IFT140: variants seen among roughly 807,000 people sequenced by gnomAD.
The protein encoded by IFT140 is intraflagellar transport 140, also known as intraflagellar transport protein 140 homolog.
Under a neutral mutation model 164.6 loss-of-function variants are expected in IFT140, and 133 were observed. The ratio of observed to expected loss-of-function variants is 0.81; its 90% confidence interval spans 0.70 to 0.93. The LOEUF (loss-of-function observed/expected upper bound fraction) is 0.93, where lower values mean the gene tolerates loss of function less well. IFT140 is among the 40% of genes least tolerant of loss of function. The probability of loss-of-function intolerance (pLI) is 0.00; values close to 1 mark genes in which losing one functional copy is unlikely to be tolerated. For synonymous variants in IFT140, 860 were observed against 817.3 expected (o/e 1.05, Z -0.89); for missense variants, 2,045 against 1,972.3 (o/e 1.04, Z -0.70).
chr16:1,586,281 G>A lies in IFT140; in HGVS notation c.1010-6C>T. On this transcript the variant is annotated splice_region_variant and splice_polypyrimidine_tract_variant and intron_variant, in intron 9 of 30. Transcript: ENST00000426508. ...GGTACCAGCGGCCAGAAGACCTACA[G>A]GTAGAAACAAACTGCATGTGAACAG... 6.2e-7 allele frequency: 1 copy of A among 1,609,806 alleles called. No homozygotes were observed. The highest frequency in any genetic ancestry group is 8.5e-7 in the Non-Finnish European group (1 of 1,178,086).
chr16:1,548,690 T>C (rs967714914), intron 19 of IFT140, among the ~76,000 whole-genome samples: 2 of 152,196 alleles, frequency 1.3e-5, no homozygotes, highest in African/African-American at 2.4e-5. Context: ...GCCCCAGCCC[T>C]GTCTCCTTCC....
rs1295418253 is a variant in IFT140, at chr16:1,526,600, C to T, written c.2577+19G>A. On this transcript the variant is annotated intron_variant, in intron 20 of 30. Transcript: ENST00000426508. ...AGGCGTGGTGCCTTCCCACCCACCCCATGGCGGGCGCCCCTCACCAGCATG... is the reference window on the plus strand; with the variant it reads ...AGGCGTGGTGCCTTCCCACCCACCCTATGGCGGGCGCCCCTCACCAGCATG... 2 of 1,512,328 alleles carry T rather than the reference C, an allele frequency of 1.3e-6. No homozygotes were observed. Among genetic ancestry groups the T allele is most frequent in the Non-Finnish European group, 1.8e-6 (2 of 1,139,896 alleles). 93.7% of individuals were successfully genotyped at this position (1,512,328 alleles called of 1,614,324 possible).
intron 19 of IFT140, among the ~76,000 whole-genome samples, chr16:1,539,219 G>A (rs936697885): frequency 6.1e-5 from 9 of 147,098 alleles, no homozygotes; most frequent in Admixed American, 1.3e-4. Flanking sequence ...TGCCAACGCC[G>A]ACCCAAGCCT....
chr16:1,602,641 T>G (rs776990669), intron 3 of IFT140, 50 bp from the exon 4 acceptor site: 6 of 1,550,208 alleles, frequency 3.9e-6, no homozygotes, highest in Non-Finnish European at 5.3e-6. Flanking sequence ...GGACAGCTAC[T>G]TTTAAGAACT....
chr16:1,563,524 C>T (rs930302406), intron 17 of IFT140, among the ~76,000 whole-genome samples: 2 of 151,934 alleles, frequency 1.3e-5, no homozygotes, highest in African/African-American at 4.8e-5. Context: ...GACAAGAGAA[C>T]CAAAAAAATG....
rs886643933 is a variant in IFT140, at chr16:1,553,225, CATCTGTCTCT to C, written c.2399+4700_2399+4709del. 3 of 976,742 alleles carry C rather than the reference CATCTGTCTCT, an allele frequency of 3.1e-6. No homozygotes were observed. The African/African-American group carries it at 5.3e-5, about 17-fold the overall frequency. The allele number at this position is 976,742 out of a possible 1,614,324, so 60.5% of individuals were successfully genotyped here. A position where few individuals can be genotyped will look rare whatever the true frequency, so the allele number is the denominator to read the frequency against. On this transcript the variant is annotated intron_variant, in intron 19 of 30. Coordinates refer to ENST00000426508, the MANE Select transcript of IFT140 (RefSeq NM_014714.4). This position sits in a 1 kb window ranked among gnomAD's most constrained non-coding sequence, Gnocchi z 4.4. The stretch of plus-strand genomic sequence containing the variant: ...CTCTGTCTCTGTCTCTCTCTGTCTC[CATCTGTCTCT>C]GTGTCTGTCTCTGTCTCTCTGTATC...
intron 12 of IFT140, among the ~76,000 whole-genome samples, chr16:1,582,974 T>G (rs2034655669): frequency 6.6e-6 from 1 of 152,216 alleles, no homozygotes; most frequent in Non-Finnish European, 1.5e-5. Context: ...GGAGCCACCT[T>G]GAAGTTTCAG....
chr16:1,527,270 G>A (rs1050130737), intron 19 of IFT140, among the ~76,000 whole-genome samples: 3 of 152,194 alleles, frequency 2.0e-5, no homozygotes, highest in Non-Finnish European at 4.4e-5. Context: ...CCTGGGGGAC[G>A]GGGTACAGGG....
intron 19 of IFT140, among the ~76,000 whole-genome samples, chr16:1,549,209 CA>C (rs2032433469): frequency 1.3e-5 from 2 of 152,226 alleles, no homozygotes; most frequent in Non-Finnish European, 2.9e-5. Flanking sequence ...CAAACAGAAC[CA>C]AAGACAAACA....
Position 1,518,211 on chromosome 16 carries a change from C to A in IFT140, c.4182+5G>T. The stretch of plus-strand genomic sequence containing the variant: ...TGCTGCTAGTGAGCAGCACTCAGGC[C>A]TCACCGTCTGGTATTCCTCCTTCCG... On this transcript the variant is annotated splice_donor_5th_base_variant and intron_variant, in intron 30 of 30. Coordinates refer to ENST00000426508, the MANE Select transcript of IFT140 (RefSeq NM_014714.4). 6.2e-7 allele frequency: 1 copy of A among 1,609,512 alleles called. No individual in the cohort carries two copies. The highest frequency in any genetic ancestry group is 1.1e-5 in the South Asian group (1 of 90,322).
At position 1,553,950 on chromosome 16, in the gene IFT140, A is replaced by C. The variant is rs2032883176; in HGVS notation, c.2399+3985T>G. Reference sequence around the variant, plus strand: ...CTCCTCAAAGATAAAACTGTAAGTGAAACTGTAGCATCAGCGACTAACTAG... The same window carrying C: ...CTCCTCAAAGATAAAACTGTAAGTGCAACTGTAGCATCAGCGACTAACTAG... On this transcript the variant is annotated intron_variant, in intron 19 of 30. Transcript: ENST00000426508. This position sits in a 1 kb window ranked among gnomAD's most constrained non-coding sequence, Gnocchi z 4.4. 2.3e-6 allele frequency: 3 copies of C among 1,286,868 alleles called. No homozygotes were observed. The highest frequency in any genetic ancestry group is 1.2e-5 in the South Asian group (1 of 80,936). 79.7% of individuals were successfully genotyped at this position (1,286,868 alleles called of 1,614,324 possible). A position where few individuals can be genotyped will look rare whatever the true frequency, so the allele number is the denominator to read the frequency against.
intron 1 of IFT140, among the ~76,000 whole-genome samples, chr16:1,611,490 C>CAAAAAAAAAAA (rs150781872): frequency 1.2e-5 from 1 of 86,806 alleles, no homozygotes. Flanking sequence ...CAGAGCGAGT[C>CAAAAAAAAAAA]AAAAAAAAAA....
rs148891948 is a variant in IFT140 at position 1,604,780 on chromosome 16, G to A, written c.148-2189C>T. Among the ~76,000 whole-genome samples, 11 of 152,200 alleles carry A rather than the reference G, an allele frequency of 7.2e-5. No individual in the cohort carries two copies. The East Asian group carries it at 2.1e-3, about 29-fold the overall frequency. ...CAGCAGACTCGCCAGAGGTTCCGGG[G>A]GAGAAACTGGGAGGATCTAGTGATG... On this transcript the variant is annotated intron_variant, in intron 3 of 30. Coordinates refer to ENST00000426508, the MANE Select transcript of IFT140 (RefSeq NM_014714.4).
chr16:1,544,022 T>A (rs1380549781), intron 19 of IFT140, among the ~76,000 whole-genome samples: 1 of 150,502 alleles, frequency 6.6e-6, no homozygotes, highest in Non-Finnish European at 1.5e-5. Flanking sequence ...TACATTTCTT[T>A]TTTTTTTTTT....
intron 19 of IFT140, chr16:1,542,184 T>C: frequency 1.6e-6 from 2 of 1,265,166 alleles, no homozygotes; most frequent in South Asian, 1.6e-5. Flanking sequence ...CTGCAGGCCA[T>C]ACCTCTCAAC....
At chr16:1,561,915 C>T (rs888497843) in intron 18 of IFT140, 70 bp downstream of exon 18, 62 of 1,439,744 alleles carry the variant, frequency 4.3e-5, no homozygotes, top group Middle Eastern at 4.8e-4. Context: ...CTCCCTGGGA[C>T]GCTTGCAAGA....
intron 4 of IFT140, among the ~76,000 whole-genome samples, chr16:1,600,571 C>T (rs946194668): frequency 2.8e-4 from 43 of 151,798 alleles, no homozygotes; most frequent in African/African-American, 9.2e-4. Context: ...TGTTAATCAA[C>T]AGGGGGCTGG....
At position 1,518,217 on chromosome 16, in the gene IFT140, G is replaced by T; in HGVS notation, c.4181C>A (p.Thr1394Lys). ...EHYVRKEEYQ[T>K]AYRFLEEMRR... ...TAGTGAGCAGCACTCAGGCCTCACC[G>T]TCTGGTATTCCTCCTTCCGCACGTA... The change falls in exon 30 of 31, where the codon ACG becomes AAG. Residue 1394 changes from threonine to lysine, a missense_variant and splice_region_variant. By Grantham distance (78) the Thr-to-Lys change is moderately conservative. Transcript: ENST00000426508. 1 of 1,611,546 alleles carries T rather than the reference G, an allele frequency of 6.2e-7. No individual in the cohort carries two copies. The highest frequency in any genetic ancestry group is 8.5e-7 in the Non-Finnish European group (1 of 1,179,406).
Position 1,587,324 on chromosome 16 carries a change from G to C in IFT140, c.903-20C>G. ...CAGAATCTACAACAGAAGAAAGCAAGCCCCATGGAGGGCCTGTGTTAGTGG... is the reference window on the plus strand; with the variant it reads ...CAGAATCTACAACAGAAGAAAGCAACCCCCATGGAGGGCCTGTGTTAGTGG... On this transcript the variant is annotated intron_variant, in intron 8 of 30. Coordinates refer to ENST00000426508, the MANE Select transcript of IFT140 (RefSeq NM_014714.4). The C allele has an allele frequency of 6.7e-7, 1 of 1,502,182 alleles. No individual in the cohort carries two copies. Among genetic ancestry groups the C allele is most frequent in the Non-Finnish European group, 9.3e-7 (1 of 1,078,588 alleles). The allele number at this position is 1,502,182 out of a possible 1,614,324, so 93.1% of individuals were successfully genotyped here. A position where few individuals can be genotyped will look rare whatever the true frequency, so the allele number is the denominator to read the frequency against.
Sources: allele counts gnomAD v4.1 joint callset (sites outside exome capture counted in the v4.1 genomes callset), GRCh38; gene constraint gnomAD v4.1.1; non-coding constraint Gnocchi (gnomAD v3.1); transcripts MANE v1.5; gene names NCBI Gene and HGNC (gene_info 2026-07-23, HGNC 2026-07-21).